The following QTGAL variants were observed in gnomAD, a reference collection of about 807,000 sequenced individuals.
QTGAL encodes queuosine-tRNA galactosyltransferase.
At chr17:83,006,680 A>G in the QTGAL span, 28 of 985,372 alleles carry the variant, frequency 2.8e-5, no homozygotes, top group Non-Finnish European at 1.9e-5. This position sits in a 1 kb window ranked among gnomAD's most constrained non-coding sequence, Gnocchi z 5.8. Flanking sequence ...TGATCCGGGA[A>G]CGTGCAGGAG....
chr17:83,048,473 C>T, the QTGAL span: 1 of 1,605,350 alleles, frequency 6.2e-7, no homozygotes, highest in Non-Finnish European at 8.5e-7. Context: ...TTACTTACCG[C>T]CTCTAGGAGA....
At chr17:82,946,569 A>AGTGTGTGTGTGTGTGT in the QTGAL span, among the ~76,000 whole-genome samples, 2,410 of 150,282 alleles carry the variant, frequency 0.016, 45 homozygotes, top group African/African-American at 0.046. Context: ...ACAGAACCCA[A>AGTGTGTGTGTGTGTGT]GTGTGTGTGT....
the QTGAL span, among the ~76,000 whole-genome samples, chr17:83,039,631 G>A: frequency 2.6e-5 from 4 of 151,242 alleles, 1 homozygote; most frequent in Admixed American, 6.6e-5. Flanking sequence ...CTGGGCGCCC[G>A]CTGCCCGCCC....
At chr17:83,047,742 C>A in the QTGAL span, among the ~76,000 whole-genome samples, 1 of 150,430 alleles carries the variant, frequency 6.6e-6, no homozygotes, top group East Asian at 2.0e-4. Flanking sequence ...AAACTTAGGT[C>A]TATAATAAAT....
the QTGAL span, among the ~76,000 whole-genome samples, chr17:82,960,729 C>A: frequency 6.6e-6 from 1 of 152,356 alleles, no homozygotes; most frequent in African/African-American, 2.4e-5. Context: ...CCGCCGGACC[C>A]CACTCATGAG....
chr17:83,024,423 G>A, the QTGAL span, among the ~76,000 whole-genome samples: 2 of 152,252 alleles, frequency 1.3e-5, no homozygotes, highest in African/African-American at 2.4e-5. Flanking sequence ...GACGGAGTTC[G>A]CGAGACCACG....
the QTGAL span, chr17:82,965,788 G>C: frequency 6.5e-6 from 10 of 1,547,534 alleles, 1 homozygote; most frequent in Admixed American, 1.1e-4. Flanking sequence ...GAAAAGAACA[G>C]CTTGTCACAA....
chr17:82,946,857 G>T, the QTGAL span: 1 of 1,508,674 alleles, frequency 6.6e-7, no homozygotes, highest in South Asian at 1.2e-5. Flanking sequence ...AACCCAGATG[G>T]TTCTTCGGTG....
At chr17:83,009,111 A>AAACGTAACTCAGGGCTGG in the QTGAL span, among the ~76,000 whole-genome samples, 7 of 152,134 alleles carry the variant, frequency 4.6e-5, no homozygotes, top group South Asian at 2.1e-4. Flanking sequence ...CCCCATCATA[A>AAACGTAACTCAGGGCTGG]AACGTAACTC....
chr17:83,015,741 C>A, the QTGAL span, among the ~76,000 whole-genome samples: 2 of 152,214 alleles, frequency 1.3e-5, no homozygotes, highest in East Asian at 1.9e-4. The surrounding 1 kb of genome is among the most constrained non-coding windows in gnomAD (Gnocchi z 4.4). Flanking sequence ...CTGCATTAGA[C>A]CCTCACAGGA....
the QTGAL span, chr17:83,014,480 C>T: frequency 2.4e-5 from 39 of 1,613,978 alleles, no homozygotes; most frequent in African/African-American, 4.0e-5. Flanking sequence ...ACGGCAGCCT[C>T]GTGTTGCAGC....
At chr17:83,049,442 T>C in the QTGAL span, among the ~76,000 whole-genome samples, 1 of 144,826 alleles carries the variant, frequency 6.9e-6, no homozygotes, top group African/African-American at 2.6e-5. Context: ...AGATGGAGTC[T>C]CGCTCTGTCA....
At chr17:82,975,061 G>A in the QTGAL span, among the ~76,000 whole-genome samples, 1 of 104,192 alleles carries the variant, frequency 9.6e-6, no homozygotes, top group Non-Finnish European at 1.9e-5. Context: ...GACAGAGCCC[G>A]ACTCCATCCT....
At chr17:83,024,335 A>C in the QTGAL span, among the ~76,000 whole-genome samples, 1 of 148,964 alleles carries the variant, frequency 6.7e-6, no homozygotes, top group Non-Finnish European at 1.5e-5. Flanking sequence ...ACTCCCTCCT[A>C]GAGGTGCTGC....
the QTGAL span, among the ~76,000 whole-genome samples, chr17:82,999,919 TGAAAACTGTGA>T: frequency 8.4e-4 from 128 of 152,294 alleles, no homozygotes; most frequent in African/African-American, 2.9e-3. Flanking sequence ...TAAAACTGTG[TGAAAACTGTGA>T]GAGGTCACTG....
chr17:82,978,046 C>T, the QTGAL span, among the ~76,000 whole-genome samples: 8 of 152,278 alleles, frequency 5.3e-5, no homozygotes, highest in South Asian at 4.1e-4. This position sits in a 1 kb window ranked among gnomAD's most constrained non-coding sequence, Gnocchi z 4.8. Context: ...CCTCTGGTTA[C>T]GTGGAGGGCA....
chr17:83,032,556 C>CTGAACAACCAGGTCAGACCAGG, the QTGAL span, among the ~76,000 whole-genome samples: 9 of 151,200 alleles, frequency 6.0e-5, no homozygotes, highest in African/African-American at 1.5e-4. Context: ...AGCTCAGGGG[C>CTGAACAACCAGGTCAGACCAGG]CCAGCACACC....
At chr17:83,037,857 T>G in the QTGAL span, among the ~76,000 whole-genome samples, 1 of 152,232 alleles carries the variant, frequency 6.6e-6, no homozygotes, top group African/African-American at 2.4e-5. This position sits in a 1 kb window ranked among gnomAD's most constrained non-coding sequence, Gnocchi z 5.2. Flanking sequence ...GAATTTGCTT[T>G]AATATTATTG....
At chr17:82,986,229 G>T in the QTGAL span, among the ~76,000 whole-genome samples, 1 of 152,194 alleles carries the variant, frequency 6.6e-6, no homozygotes, top group African/African-American at 2.4e-5. Context: ...GTGCAGACAG[G>T]AAATAGCTGC....
Sources: gnomAD v4.1 joint callset for allele counts (sites outside exome capture counted in the v4.1 genomes callset) on GRCh38, gnomAD v4.1.1 for gene constraint, Gnocchi (gnomAD v3.1) non-coding constraint, MANE v1.5 for transcripts, NCBI Gene and HGNC (gene_info 2026-07-23, HGNC 2026-07-21) for gene names.